Variants in DHX40 observed in about 807,000 individuals in gnomAD.
DHX40 encodes the protein probable ATP-dependent RNA helicase DHX40.
In DHX40, 28 loss-of-function variants were observed where a neutral mutation model predicts 89.6. The ratio of observed to expected loss-of-function variants is 0.31; its 90% CI spans 0.23 to 0.43. The LOEUF (loss-of-function observed/expected upper bound fraction) is 0.43, where lower values mean the gene tolerates loss of function less well. Among genes scored for constraint, DHX40 ranks in the 20% least tolerant of loss-of-function variants. The probability of loss-of-function intolerance (pLI) is 1.00; values close to 1 mark genes in which losing one functional copy is unlikely to be tolerated. For missense variants in DHX40, 457 were observed against 844.0 expected, an observed-to-expected ratio of 0.54 and a Z score of 5.68; for synonymous variants, 226 against 283.6, an observed-to-expected ratio of 0.80 and a Z score of 2.04.
intron 3 of DHX40, among the ~76,000 whole-genome samples, chr17:59,570,966 A>G (rs1199168916): frequency 1.3e-5 from 2 of 152,232 alleles, no homozygotes; most frequent in African/African-American, 2.4e-5. Context: ...TTAGCTCTCA[A>G]GTGTCTGATG....
At chr17:59,569,197 G>A (rs370684271) in intron 2 of DHX40, among the ~76,000 whole-genome samples, 6 of 152,106 alleles carry the variant, frequency 3.9e-5, no homozygotes, top group East Asian at 1.9e-4. Flanking sequence ...GTGTGGTGGC[G>A]CGCACCTGTA....
chr17:59,603,286 A>G (rs1050934039), intron 15 of DHX40: 1 of 152,196 alleles, frequency 6.6e-6, no homozygotes, highest in Non-Finnish European at 1.5e-5. Context: ...GTGTGTGTAT[A>G]TAGAATGTAT....
rs572111633 is a variant in DHX40 at position 59,598,916 on chromosome 17, T to C, written c.1697+65T>C. ...GATGTATAGTTCCAATACGTACTTA[T>C]GATGTGGCTTGTGACACTAACGTTC... On this transcript the variant is annotated intron_variant, in intron 13 of 17. Transcript: ENST00000251241. The C allele has an allele frequency of 9.6e-5, 109 of 1,132,712 alleles. No individual in the cohort carries two copies. In the African/African-American group the frequency reaches 1.2e-3, roughly 12 times the overall value. The allele number at this position is 1,132,712 out of a possible 1,614,324, so 70.2% of individuals were successfully genotyped here.
At chr17:59,600,622 G>A (rs1198387808) in intron 14 of DHX40, among the ~76,000 whole-genome samples, 1 of 152,094 alleles carries the variant, frequency 6.6e-6, no homozygotes, top group East Asian at 1.9e-4. Context: ...CGAAGTGGGA[G>A]GACCACTTGA....
At chr17:59,595,124 C>T (rs9903404) in intron 12 of DHX40, among the ~76,000 whole-genome samples, 2,297 of 151,308 alleles carry the variant, frequency 0.015, 49 homozygotes, top group African/African-American at 0.052. Context: ...GCTCTTGTTG[C>T]CCAGGTTGGA....
At chr17:59,598,451 TATAAC>T (rs1303446337) in intron 12 of DHX40, among the ~76,000 whole-genome samples, 1 of 152,008 alleles carries the variant, frequency 6.6e-6, no homozygotes, top group African/African-American at 2.4e-5. Flanking sequence ...GGATTACTCT[TATAAC>T]AAAACTAATT....
intron 12 of DHX40, among the ~76,000 whole-genome samples, chr17:59,588,319 G>A (rs2049031339): frequency 6.6e-6 from 1 of 150,602 alleles, no homozygotes; most frequent in South Asian, 2.1e-4. Flanking sequence ...AGTACAGAGG[G>A]TTGACATTCA....
chr17:59,605,536 C>G lies in DHX40; in HGVS notation c.2062C>G (p.Arg688Gly), dbSNP rs770146463. The G allele has an allele frequency of 6.2e-7, 1 of 1,614,072 alleles. No homozygotes were observed. Among genetic ancestry groups the G allele is most frequent in the Non-Finnish European group, 8.5e-7 (1 of 1,180,008 alleles). Residue 688 changes from arginine to glycine, a missense_variant, in exon 17 of 18, where the codon CGT becomes GGT. This residue lies in a region of DHX40 where 120 missense variants were observed against 161.7 expected (regional missense o/e 0.74). Coordinates refer to ENST00000251241, the MANE Select transcript of DHX40 (RefSeq NM_024612.5). ...KVYARIVCPI[R>G]YEWVRDLLPK... ...CTACGCAAGAATTGTATGCCCAATC[C>G]GTTATGAATGGGTAAGAGACTTGTT...
chr17:59,586,340 A>T, intron 11 of DHX40, 107 bp downstream of exon 11: 1 of 981,160 alleles, frequency 1.0e-6, no homozygotes, highest in Non-Finnish European at 1.5e-6. Context: ...TTTAAATTGA[A>T]TGGATTGTTA....
At chr17:59,569,276 C>T (rs1369242064) in intron 2 of DHX40, among the ~76,000 whole-genome samples, 1 of 151,452 alleles carries the variant, frequency 6.6e-6, no homozygotes, top group Non-Finnish European at 1.5e-5. Context: ...TGCAGTGAGC[C>T]GAGATTGTGC....
intron 7 of DHX40, 43 bp downstream of exon 7, chr17:59,575,514 CTT>C: frequency 6.3e-7 from 1 of 1,598,504 alleles, no homozygotes; most frequent in Non-Finnish European, 8.5e-7. Context: ...TTTAAAAAAA[CTT>C]TTTATTGAAT....
Position 59,607,080 on chromosome 17 carries a change from G to GACAA in DHX40, c.2250_2253dup (p.Ser752GlnfsTer5). 2.5e-6 allele frequency: 4 copies of GACAA among 1,614,112 alleles called. No homozygotes were observed. The highest frequency in any genetic ancestry group is 3.4e-6 in the Non-Finnish European group (4 of 1,180,018). On this transcript the variant is annotated frameshift_variant, in exon 18 of 18. Coordinates refer to ENST00000251241, the MANE Select transcript of DHX40 (RefSeq NM_024612.5). LOFTEE classifies it high-confidence loss of function. Reference sequence around the variant, plus strand: ...AAAGAAAATGCAAAGAAGAAATGATGACAAATCCATATCTGATGCACGGGC... The same window carrying GACAA: ...AAAGAAAATGCAAAGAAGAAATGATGACAAACAAATCCATATCTGATGCACGGGC...
At chr17:59,569,903 G>A (rs1037842191) in intron 2 of DHX40, among the ~76,000 whole-genome samples, 186 of 144,992 alleles carry the variant, frequency 1.3e-3, no homozygotes, top group Non-Finnish European at 1.8e-3. Flanking sequence ...AATTAGCCCG[G>A]CATGGTGGCA....
chr17:59,591,661 T>A lies in DHX40; in HGVS notation c.1582+3608T>A, dbSNP rs528021497. Among the ~76,000 whole-genome samples, 92 of 151,490 alleles carry A rather than the reference T, an allele frequency of 6.1e-4. 1 individual carries two copies. Among genetic ancestry groups the A allele is most frequent in the Non-Finnish European group, 1.2e-3 (81 of 67,788 alleles). ...ATTCCTTTATACCTTCTATGCAGTTTCCGCAATTTTTAACATTTTACCCCC... is the reference window on the plus strand; with the variant it reads ...ATTCCTTTATACCTTCTATGCAGTTACCGCAATTTTTAACATTTTACCCCC... On this transcript the variant is annotated intron_variant, in intron 12 of 17. Transcript: ENST00000251241.
At position 59,607,621 on chromosome 17, in the gene DHX40, A is replaced by T; in HGVS notation, c.*449A>T. The T allele has an allele frequency of 4.3e-6, 1 of 231,076 alleles. No individual in the cohort carries two copies. 14.3% of individuals were successfully genotyped at this position (231,076 alleles called of 1,614,324 possible). A position where few individuals can be genotyped will look rare whatever the true frequency, so the allele number is the denominator to read the frequency against. ...AGTGCTATATATCAGGTATGTGACC[A>T]TTTATTTCAGAAGGCTGAACATAAG... On this transcript the variant is annotated 3_prime_UTR_variant, in exon 18 of 18. Transcript: ENST00000251241.
At chr17:59,600,334 GAAAA>G (rs138860950) in intron 14 of DHX40, among the ~76,000 whole-genome samples, 5 of 145,410 alleles carry the variant, frequency 3.4e-5, no homozygotes, top group African/African-American at 1.3e-4. Context: ...ACTGATGAGA[GAAAA>G]AAAAAAATCT....
chr17:59,597,469 TC>T (rs1017071213), intron 12 of DHX40, among the ~76,000 whole-genome samples: 2 of 147,816 alleles, frequency 1.4e-5, no homozygotes, highest in South Asian at 2.2e-4. Flanking sequence ...TATATGGAGA[TC>T]ATGTCTAATT....
Position 59,569,843 on chromosome 17 carries a change from C to G in DHX40, c.281-675C>G, listed in dbSNP as rs890986129. On this transcript the variant is annotated intron_variant, in intron 2 of 17. Coordinates refer to ENST00000251241, the MANE Select transcript of DHX40 (RefSeq NM_024612.5). ...AGTGGATCACCTGAGGTTGGGAGTA[C>G]AAGACCAGCCTGACCAACAGGGAAA... 5.5e-5 allele frequency among the ~76,000 whole-genome samples: 8 copies of G among 144,994 alleles called. No homozygotes were observed. In the Admixed American group the frequency reaches 5.7e-4, roughly 10 times the overall value.
chr17:59,595,235 C>T (rs2029956048), intron 12 of DHX40, among the ~76,000 whole-genome samples: 2 of 151,662 alleles, frequency 1.3e-5, no homozygotes, highest in African/African-American at 4.8e-5. Flanking sequence ...AGGCATGTGC[C>T]ACCATGCCCA....
Sources: gnomAD v4.1 joint callset for allele counts (sites outside exome capture counted in the v4.1 genomes callset) on GRCh38, gnomAD v4.1.1 for gene constraint, gnomAD v4.1.1 regional missense constraint, MANE v1.5 for transcripts, NCBI Gene and HGNC (gene_info 2026-07-23, HGNC 2026-07-21) for gene names.